Variants in TRPM7 observed in about 807,000 individuals in gnomAD.
The protein encoded by TRPM7 is LTRPC ion channel family member 7.
A neutral mutation model predicts 229.7 loss-of-function variants in TRPM7; 134 were observed. The ratio of observed to expected loss-of-function variants is 0.58; its 90% confidence interval spans 0.51 to 0.67. The LOEUF is 0.67. Among genes scored for constraint, TRPM7 ranks in the 30% least tolerant of loss-of-function variants. TRPM7 has a pLI of 0.00. For synonymous variants in TRPM7, 699 were observed against 715.2 expected, an observed-to-expected ratio of 0.98 and a Z score of 0.36; for missense variants, 1,901 against 2,210.0, an observed-to-expected ratio of 0.86 and a Z score of 2.80.
At chr15:50,673,304 G>C (rs988762245) in intron 1 of TRPM7, among the ~76,000 whole-genome samples, 2 of 152,212 alleles carry the variant, frequency 1.3e-5, no homozygotes, top group Middle Eastern at 3.4e-3. Flanking sequence ...ATTGGAAACA[G>C]GTAGTGTTTA....
intron 15 of TRPM7, among the ~76,000 whole-genome samples, chr15:50,613,101 G>A (rs2060108496): frequency 6.6e-6 from 1 of 152,142 alleles, no homozygotes; most frequent in Non-Finnish European, 1.5e-5. Context: ...TTAATAAAGG[G>A]TTAGATAACA....
In TRPM7 at chr15:50,574,319, T is replaced by C; in HGVS notation, c.5263A>G (p.Thr1755Ala). Residue 1755 changes from threonine to alanine, a missense_variant, in exon 36 of 39, where the codon ACT becomes GCT. By Grantham distance (58) the Thr-to-Ala change is moderately conservative. Around this residue, in one of 8 missense-constraint regions of TRPM7, gnomAD observed 257 missense variants for 352.0 expected, o/e 0.73. Coordinates refer to ENST00000646667, the MANE Select transcript of TRPM7 (RefSeq NM_017672.6). ...AACTCCCCTCTTGTATATTCGTAAG[T>C]CCAGTGGCTAAAGGCTAGCATGATC... Reference protein sequence around the residue: ...EEIMLAFSHWTYEYTRGELLV... With the variant: ...EEIMLAFSHWAYEYTRGELLV... 6.2e-7 allele frequency: 1 copy of C among 1,614,060 alleles called. No individual in the cohort carries two copies. Among genetic ancestry groups the C allele is most frequent in the Non-Finnish European group, 8.5e-7 (1 of 1,179,962 alleles).
rs929052087 is a variant in TRPM7, at chr15:50,604,916, G to A, written c.2938C>T (p.Leu980=). 11 of 1,611,658 alleles carry A rather than the reference G, an allele frequency of 6.8e-6. No homozygotes were observed. The highest frequency in any genetic ancestry group is 1.3e-5 in the African/African-American group (1 of 74,790). ...GGTCCTGCCTGTTGATTTACAGCTA[G>A]AAAATCTAGCAAACGCACATACCAA... ...IFWYVRLLDF[L]AVNQQAGPYV... is the part of the protein sequence containing the mutation. Residue 980 remains leucine (L), a synonymous_variant, in exon 21 of 39, where the codon CTA becomes TTA. Transcript: ENST00000646667.
At chr15:50,571,872 T>A (rs1428314331) in intron 36 of TRPM7, among the ~76,000 whole-genome samples, 1 of 152,246 alleles carries the variant, frequency 6.6e-6, no homozygotes. Flanking sequence ...ACATAAACTT[T>A]GTTGATAAAG....
intron 5 of TRPM7, among the ~76,000 whole-genome samples, chr15:50,641,405 C>T (rs182943112): frequency 2.0e-5 from 3 of 152,224 alleles, no homozygotes; most frequent in Admixed American, 6.5e-5. Flanking sequence ...CCTTTACATG[C>T]TTTGCCTTAT....
At chr15:50,618,106 G>A (rs2060279186) in intron 13 of TRPM7, among the ~76,000 whole-genome samples, 1 of 152,078 alleles carries the variant, frequency 6.6e-6, no homozygotes, top group African/African-American at 2.4e-5. Context: ...AAACAAAACT[G>A]TATTGAATAC....
At position 50,575,997 on chromosome 15, in the gene TRPM7, A is replaced by T. The variant is rs1000451311; in HGVS notation, c.4619-78T>A. On this transcript the variant is annotated intron_variant, in intron 31 of 38. Coordinates refer to ENST00000646667, the MANE Select transcript of TRPM7 (RefSeq NM_017672.6). ...AAATTTTAACCCGGATAATCTCATA[A>T]AATCATTTTGAATTTCCATAGTGTA... 1.4e-6 allele frequency: 2 copies of T among 1,430,804 alleles called. 1 individual carries two copies. The highest frequency in any genetic ancestry group is 1.9e-6 in the Non-Finnish European group (2 of 1,040,034). The allele number at this position is 1,430,804 out of a possible 1,614,324, so 88.6% of individuals were successfully genotyped here.
At chr15:50,656,999 A>G (rs964027409) in intron 3 of TRPM7, among the ~76,000 whole-genome samples, 16 of 152,070 alleles carry the variant, frequency 1.1e-4, no homozygotes, top group Admixed American at 1.0e-3. Context: ...TTTTCTTCCA[A>G]TCCAATCTAA....
intron 38 of TRPM7, among the ~76,000 whole-genome samples, chr15:50,569,578 T>C (rs149006435): frequency 6.6e-5 from 10 of 152,294 alleles, no homozygotes; most frequent in Non-Finnish European, 1.5e-4. Flanking sequence ...CTTGTCAATA[T>C]TCAACATGAG....
intron 1 of TRPM7, among the ~76,000 whole-genome samples, chr15:50,677,339 A>G (rs2062114924): frequency 6.6e-6 from 1 of 151,782 alleles, no homozygotes; most frequent in African/African-American, 2.4e-5. Flanking sequence ...AAATACCATC[A>G]CACTGGAGGT....
rs762704632 is a variant in TRPM7 at position 50,592,130 on chromosome 15, G to A, written c.4105C>T (p.Leu1369=). The change falls in exon 26 of 39, where the codon CTA becomes TTA. Residue 1369 remains leucine (L), a synonymous_variant. Transcript: ENST00000646667. ...AVSPPELRQR[L]HGVELLKIFN... ...ATTTTTAAGAGTTCTACCCCATGTA[G>A]TCTCTGTCGCAGTTCTGGAGGGGAA... 1 of 1,613,408 alleles carries A rather than the reference G, an allele frequency of 6.2e-7. No individual in the cohort carries two copies. The highest frequency in any genetic ancestry group is 8.5e-7 in the Non-Finnish European group (1 of 1,179,734).
intron 1 of TRPM7, among the ~76,000 whole-genome samples, chr15:50,685,549 CTTAT>C (rs1415515694): frequency 6.6e-6 from 1 of 152,180 alleles, no homozygotes; most frequent in Non-Finnish European, 1.5e-5. Context: ...AAGTAAAACT[CTTAT>C]TTTAGTTTTG....
Position 50,625,742 on chromosome 15 carries a change from G to C in TRPM7, c.1306-1442C>G, listed in dbSNP as rs551715768. Among the ~76,000 whole-genome samples the C allele has an allele frequency of 1.0e-3, 158 of 152,198 alleles. 2 individuals carry two copies. Among genetic ancestry groups the C allele is most frequent in the African/African-American group, 3.7e-3 (152 of 41,540 alleles). On this transcript the variant is annotated intron_variant, in intron 11 of 38. Coordinates refer to ENST00000646667, the MANE Select transcript of TRPM7 (RefSeq NM_017672.6). ...CTGATGAAATGTATGCCTTTTACAT[G>C]ATGGAATTTAAAGATGAAAGGTATG...
Position 50,614,664 on chromosome 15 carries a change from CAAAAAAA to C in TRPM7, c.1495-408_1495-402del, listed in dbSNP as rs59336476. 5.4e-5 allele frequency among the ~76,000 whole-genome samples: 5 copies of C among 92,658 alleles called. No homozygotes were observed. The South Asian group carries it at 1.0e-3, about 19-fold the overall frequency. The allele number at this position is 92,658 out of a possible 152,430, so 60.8% of individuals were successfully genotyped here. ...TGGGAGACAGAGCAAGACTTGGTCTCAAAAAAAAAAAAAAAAAAAAAAAAAAGCAGCA... is the reference window on the plus strand; with the variant it reads ...TGGGAGACAGAGCAAGACTTGGTCTCAAAAAAAAAAAAAAAAAAAGCAGCA... On this transcript the variant is annotated intron_variant, in intron 13 of 38. Transcript: ENST00000646667.
In TRPM7 at chr15:50,589,660, T is replaced by TA. The variant is rs758322906; in HGVS notation, c.4325-5dup. 1 of 1,576,876 alleles carries TA rather than the reference T, an allele frequency of 6.3e-7. No homozygotes were observed. Among genetic ancestry groups the TA allele is most frequent in the Admixed American group, 1.9e-5 (1 of 53,142 alleles). On this transcript the variant is annotated splice_polypyrimidine_tract_variant and splice_region_variant and intron_variant, in intron 26 of 38. Transcript: ENST00000646667. ...AAATCCATGCTATCTCTGTGTCCTTTAATAGAAAAAAAGATGTTGCAATGA... is the reference window on the plus strand; with the variant it reads ...AAATCCATGCTATCTCTGTGTCCTTTAAATAGAAAAAAAGATGTTGCAATGA...
chr15:50,652,326 C>A (rs146900558), intron 3 of TRPM7, among the ~76,000 whole-genome samples: 1 of 45,292 alleles, frequency 2.2e-5, no homozygotes, highest in Non-Finnish European at 3.6e-5. Context: ...GAGACTCCAT[C>A]TCAAAAAAAA....
intron 21 of TRPM7, among the ~76,000 whole-genome samples, chr15:50,601,697 T>C (rs565311388): frequency 6.6e-6 from 1 of 152,200 alleles, no homozygotes; most frequent in Admixed American, 6.5e-5. Flanking sequence ...TTATAATGCA[T>C]ACAGAATGAG....
chr15:50,590,330 A>C (rs955995449), intron 26 of TRPM7, among the ~76,000 whole-genome samples: 1 of 152,210 alleles, frequency 6.6e-6, no homozygotes, highest in Non-Finnish European at 1.5e-5. Flanking sequence ...AAAAGGAATG[A>C]TTTATTCTTA....
At chr15:50,592,911 C>A (rs888719806) in intron 25 of TRPM7, among the ~76,000 whole-genome samples, 1 of 152,276 alleles carries the variant, frequency 6.6e-6, no homozygotes, top group Non-Finnish European at 1.5e-5. Context: ...GTATATACAG[C>A]TACATATATA....
Sources: gnomAD v4.1 joint callset for allele counts (sites outside exome capture counted in the v4.1 genomes callset) on GRCh38, gnomAD v4.1.1 for gene constraint, gnomAD v4.1.1 regional missense constraint, MANE v1.5 for transcripts, NCBI Gene and HGNC (gene_info 2026-07-23, HGNC 2026-07-21) for gene names.